The following C8orf89 variants were observed in gnomAD, a reference collection of about 807,000 sequenced individuals.
The protein encoded by C8orf89 is putative uncharacterized protein C8orf89.
In C8orf89, 14 loss-of-function variants were observed where a neutral mutation model predicts 15.8. That is an observed-to-expected ratio of 0.89 (90% CI 0.59 to 1.39). C8orf89 has a LOEUF of 1.39. C8orf89 is among the 40% of genes most tolerant of loss of function. The pLI is 0.00. For missense variants in C8orf89, 181 were observed against 184.5 expected (o/e 0.98, Z 0.11); for synonymous variants, 55 against 62.2 (o/e 0.88, Z 0.54).
chr8:73,280,340 GC>G, the C8orf89 span, among the ~76,000 whole-genome samples: 5 of 152,074 alleles, frequency 3.3e-5, no homozygotes, highest in Middle Eastern at 3.2e-3. Flanking sequence ...TCCCAGAATA[GC>G]TTTTTAAATA....
the C8orf89 span, among the ~76,000 whole-genome samples, chr8:73,267,979 G>A: frequency 1.6e-4 from 24 of 152,232 alleles, no homozygotes; most frequent in Admixed American, 1.4e-3. Flanking sequence ...ACCCAACTCT[G>A]ATGAAGCCTT....
intron 2 of C8orf89, among the ~76,000 whole-genome samples, chr8:73,253,416 C>A (rs1225848216): frequency 6.6e-6 from 1 of 152,014 alleles, no homozygotes; most frequent in Non-Finnish European, 1.5e-5. Flanking sequence ...CTTGGCGATG[C>A]GGGCTCTTTT....
the C8orf89 span, among the ~76,000 whole-genome samples, chr8:73,271,696 T>C: frequency 3.1e-4 from 47 of 152,188 alleles, no homozygotes; most frequent in African/African-American, 1.1e-3. Flanking sequence ...GCCTAGTGTA[T>C]TAGTCCATTT....
At chr8:73,242,273 T>C (rs1441816183) in intron 3 of C8orf89, among the ~76,000 whole-genome samples, 1 of 152,060 alleles carries the variant, frequency 6.6e-6, no homozygotes, top group Non-Finnish European at 1.5e-5. Flanking sequence ...AACCAGAATA[T>C]ATAAGGAGCT....
chr8:73,272,888 C>T, the C8orf89 span, among the ~76,000 whole-genome samples: 1 of 152,040 alleles, frequency 6.6e-6, no homozygotes, highest in African/African-American at 2.4e-5. Flanking sequence ...CATTGAGAAA[C>T]CTGGGGTTTA....
intron 3 of C8orf89, among the ~76,000 whole-genome samples, chr8:73,249,648 T>C (rs142563749): frequency 0.01 from 1,590 of 152,294 alleles, 30 homozygotes; most frequent in African/African-American, 0.035. Context: ...AATCATTTGA[T>C]AGACTGAAGG....
chr8:73,278,459 G>A, the C8orf89 span, among the ~76,000 whole-genome samples: 1 of 152,110 alleles, frequency 6.6e-6, no homozygotes, highest in South Asian at 2.1e-4. Context: ...ACGCCCGGGC[G>A]CTGAGGGGCC....
intron 3 of C8orf89, among the ~76,000 whole-genome samples, chr8:73,244,883 AAAT>A (rs1175112959): frequency 6.6e-6 from 1 of 152,202 alleles, no homozygotes; most frequent in Non-Finnish European, 1.5e-5. Flanking sequence ...GATAAATTTA[AAAT>A]TCTGAAATAT....
upstream of C8orf89, among the ~76,000 whole-genome samples, chr8:73,261,330 G>A (rs935074741): frequency 4.6e-5 from 7 of 152,102 alleles, no homozygotes; most frequent in African/African-American, 1.4e-4. Flanking sequence ...TAACACAGCC[G>A]CAGTGTATGT....
the C8orf89 span, among the ~76,000 whole-genome samples, chr8:73,282,792 T>A: frequency 1.3e-5 from 2 of 152,236 alleles, no homozygotes; most frequent in African/African-American, 4.8e-5. Context: ...ACAGTGAGAA[T>A]GCAAGATTGA....
chr8:73,252,834 C>G (rs1367731086), intron 2 of C8orf89, among the ~76,000 whole-genome samples: 1 of 152,088 alleles, frequency 6.6e-6, no homozygotes, highest in Non-Finnish European at 1.5e-5. Context: ...TTTAATACTA[C>G]CAGAGTGAAT....
At chr8:73,250,422 TAAG>T (rs1813222655) in intron 2 of C8orf89, 99 bp from the exon 3 acceptor site, 8 of 703,220 alleles carry the variant, frequency 1.1e-5, no homozygotes, top group Admixed American at 2.7e-5. Context: ...AAATAAATGT[TAAG>T]GAAAGGAAAG....
intron 3 of C8orf89, 62 bp downstream of exon 3, chr8:73,250,205 TA>T (rs1243919737): frequency 9.0e-6 from 9 of 1,003,698 alleles, no homozygotes; most frequent in South Asian, 3.1e-5. Context: ...GAATTTTTTT[TA>T]AAAAAAGATA....
At chr8:73,285,430 T>C in the C8orf89 span, among the ~76,000 whole-genome samples, 2 of 152,140 alleles carry the variant, frequency 1.3e-5, no homozygotes, top group Non-Finnish European at 2.9e-5. Flanking sequence ...ATAAAGTGCA[T>C]CTAGAGCATC....
At chr8:73,285,509 C>T in the C8orf89 span, among the ~76,000 whole-genome samples, 2 of 152,212 alleles carry the variant, frequency 1.3e-5, no homozygotes, top group African/African-American at 2.4e-5. Context: ...GACTAGATGA[C>T]CTCTGGACCC....
chr8:73,270,017 A>C, the C8orf89 span, among the ~76,000 whole-genome samples: 2,363 of 152,322 alleles, frequency 0.016, 66 homozygotes, highest in African/African-American at 0.053. Flanking sequence ...GTTAATGGGG[A>C]AAGTTGTTCC....
chr8:73,270,315 A>G, the C8orf89 span, among the ~76,000 whole-genome samples: 2 of 152,204 alleles, frequency 1.3e-5, no homozygotes, highest in Non-Finnish European at 2.9e-5. Context: ...TTTCAAAGTC[A>G]GGTCTACGTA....
chr8:73,243,944 A>T (rs1813065699), intron 3 of C8orf89, among the ~76,000 whole-genome samples: 1 of 152,142 alleles, frequency 6.6e-6, no homozygotes, highest in African/African-American at 2.4e-5. Flanking sequence ...TTGCAGTTCT[A>T]AAAACCGCAA....
the C8orf89 span, among the ~76,000 whole-genome samples, chr8:73,265,740 T>C: frequency 2.6e-5 from 4 of 152,196 alleles, 1 homozygote; most frequent in South Asian, 8.3e-4. Context: ...ATTAGGGAGC[T>C]TTACCTGGAT....
Sources: allele counts gnomAD v4.1 joint callset (sites outside exome capture counted in the v4.1 genomes callset), GRCh38; gene constraint gnomAD v4.1.1; transcripts MANE v1.5; gene names NCBI Gene and HGNC (gene_info 2026-07-23, HGNC 2026-07-21).